Variants in PELI2 observed in about 807,000 individuals in gnomAD.
The protein encoded by PELI2 is E3 ubiquitin-protein ligase pellino homolog 2.
In PELI2, 23 loss-of-function variants were observed where a neutral mutation model predicts 42.3. The observed-to-expected ratio is 0.54, with a 90% confidence interval of 0.39 to 0.77. The LOEUF (loss-of-function observed/expected upper bound fraction) is 0.77. Among genes scored for constraint, PELI2 ranks in the 30% least tolerant of loss-of-function variants. The pLI is 0.00. For synonymous variants in PELI2, 245 were observed against 212.2 expected, an observed-to-expected ratio of 1.15 and a Z score of -1.34; for missense variants, 463 against 553.2, an observed-to-expected ratio of 0.84 and a Z score of 1.64.
chr14:56,213,271 A>G (rs1886773927), intron 2 of PELI2, among the ~76,000 whole-genome samples: 1 of 152,210 alleles, frequency 6.6e-6, no homozygotes, highest in East Asian at 1.9e-4. Context: ...GGATGAAGTT[A>G]CAGTTTTTAT....
At chr14:56,209,622 T>G (rs1465729369) in intron 2 of PELI2, among the ~76,000 whole-genome samples, 3 of 152,204 alleles carry the variant, frequency 2.0e-5, no homozygotes, top group African/African-American at 7.2e-5. Context: ...TAATTTTAAT[T>G]TATAATATGG....
At chr14:56,295,492 T>TG (rs1420431369) in intron 5 of PELI2, among the ~76,000 whole-genome samples, 1 of 152,192 alleles carries the variant, frequency 6.6e-6, no homozygotes, top group Non-Finnish European at 1.5e-5. Flanking sequence ...TCCTCCCTAC[T>TG]GAGGCCTGAC....
intron 1 of PELI2, among the ~76,000 whole-genome samples, chr14:56,132,147 TC>T (rs1883509721): frequency 6.6e-6 from 1 of 152,110 alleles, no homozygotes; most frequent in Non-Finnish European, 1.5e-5. Context: ...GGAGATGCCA[TC>T]CCATTGAACA....
chr14:56,296,866 C>G lies in PELI2; in HGVS notation c.963C>G (p.Asn321Lys), dbSNP rs1251135082. 4 of 1,614,178 alleles carry G rather than the reference C, an allele frequency of 2.5e-6. No individual in the cohort carries two copies. The highest frequency in any genetic ancestry group is 2.5e-6 in the Non-Finnish European group (3 of 1,180,040). Residue 321 changes from asparagine (N) to lysine (K), a missense_variant, in exon 6 of 6, where the codon AAC becomes AAG. Physicochemically the swap from Asn to Lys is moderately conservative, Grantham distance 94. Coordinates refer to ENST00000267460, the MANE Select transcript of PELI2 (RefSeq NM_021255.3). ...GTGGCCACGTGCACGGGTACCACAA[C>G]TGGGGCCATCGGAGTGACACGGAGG... ...LSCGHVHGYH[N>K]WGHRSDTEAN... is the part of the protein sequence containing the mutation.
At chr14:56,133,224 T>C (rs1018352257) in intron 1 of PELI2, among the ~76,000 whole-genome samples, 1 of 152,234 alleles carries the variant, frequency 6.6e-6, no homozygotes, top group African/African-American at 2.4e-5. Context: ...TTTTAGAGAA[T>C]TTAATTAATG....
intron 2 of PELI2, among the ~76,000 whole-genome samples, chr14:56,249,784 G>T (rs1460052917): frequency 1.3e-5 from 2 of 152,194 alleles, no homozygotes; most frequent in Non-Finnish European, 1.5e-5. Flanking sequence ...CTGACACCAG[G>T]AGTGTGTCTC....
intron 2 of PELI2, among the ~76,000 whole-genome samples, chr14:56,240,230 G>T (rs775478595): frequency 6.6e-6 from 1 of 152,166 alleles, no homozygotes; most frequent in Admixed American, 6.5e-5. Flanking sequence ...GGGAAGACTG[G>T]AGGGCAGGAG....
At chr14:56,178,859 C>T (rs1327735033) in intron 2 of PELI2, among the ~76,000 whole-genome samples, 3 of 152,034 alleles carry the variant, frequency 2.0e-5, no homozygotes, top group Non-Finnish European at 2.9e-5. Context: ...TGTTCTTTAT[C>T]CTAAAGAGTT....
At position 56,279,718 on chromosome 14, in the gene PELI2, T is replaced by G. The variant is rs1415436818; in HGVS notation, c.250T>G (p.Ser84Ala). The G allele has an allele frequency of 6.2e-7, 1 of 1,604,592 alleles. No individual in the cohort carries two copies. Among genetic ancestry groups the G allele is most frequent in the South Asian group, 1.1e-5 (1 of 90,760 alleles). The change falls in exon 3 of 6, where the codon TCA becomes GCA. Residue 84 changes from serine to alanine, a missense_variant. Around this residue, in one of 3 missense-constraint regions of PELI2, gnomAD observed 343 missense variants for 378.4 expected, o/e 0.91. Transcript: ENST00000267460. ...KGQHSISYTL[S>A]RNQTVVVEYT... ...TCAACACAGTATATCCTACACTTTG[T>G]CAAGGAATCAGACTGTGGTGGTGGA...
chr14:56,197,866 GCA>G lies in PELI2; in HGVS notation c.207+19415_207+19416del, dbSNP rs372185736. ...TTTCTGGGGTCTCCGGCCTGCCTGTGCACACACACACACATGCAGACACACAC... is the reference window on the plus strand; with the variant it reads ...TTTCTGGGGTCTCCGGCCTGCCTGTGCACACACACACATGCAGACACACAC... On this transcript the variant is annotated intron_variant, in intron 2 of 5. Transcript: ENST00000267460. This position sits in a 1 kb window ranked among gnomAD's most constrained non-coding sequence, Gnocchi z 4.9. Among the ~76,000 whole-genome samples the G allele has an allele frequency of 1.3e-5, 2 of 150,816 alleles. No individual in the cohort carries two copies. Among genetic ancestry groups the G allele is most frequent in the Admixed American group, 6.6e-5 (1 of 15,076 alleles).
At chr14:56,220,727 A>G in intron 2 of PELI2, among the ~76,000 whole-genome samples, 1 of 152,190 alleles carries the variant, frequency 6.6e-6, no homozygotes, top group East Asian at 1.9e-4. Context: ...AGGTGTCTGC[A>G]TAACCAATGG....
chr14:56,124,160 G>A lies in PELI2; in HGVS notation c.77+5423G>A, dbSNP rs572387221. ...TCTTCTGGAAAATAAAATAATAAGAGCAGAAAGTGCTTCATATTTCTTAGC... is the reference window on the plus strand; with the variant it reads ...TCTTCTGGAAAATAAAATAATAAGAACAGAAAGTGCTTCATATTTCTTAGC... On this transcript the variant is annotated intron_variant, in intron 1 of 5. Transcript: ENST00000267460. Among the ~76,000 whole-genome samples the A allele has an allele frequency of 2.0e-5, 3 of 152,304 alleles. No homozygotes were observed. In the South Asian group the frequency reaches 6.2e-4, roughly 32 times the overall value.
At chr14:56,158,251 C>A (rs551389520) in intron 1 of PELI2, among the ~76,000 whole-genome samples, 1 of 152,166 alleles carries the variant, frequency 6.6e-6, no homozygotes, top group South Asian at 2.1e-4. Context: ...TGGTCTCGAA[C>A]ACCTGACCTC....
chr14:56,173,059 C>G (rs1885237601), intron 1 of PELI2, among the ~76,000 whole-genome samples: 1 of 152,078 alleles, frequency 6.6e-6, no homozygotes, highest in Admixed American at 6.5e-5. Flanking sequence ...CTTTAACTGC[C>G]CCTGCATGGT....
At chr14:56,201,436 C>G (rs1355186012) in intron 2 of PELI2, among the ~76,000 whole-genome samples, 2 of 152,108 alleles carry the variant, frequency 1.3e-5, no homozygotes, top group Non-Finnish European at 2.9e-5. Context: ...CAGGAAGGAG[C>G]TGGGGATTTA....
rs1884489992 is a variant in PELI2, at chr14:56,154,832, G to T, written c.78-23503G>T. Reference sequence around the variant, plus strand: ...TTTTATAAGGGTGTTGATGATTGTTGCTAAATTACTTTGTGGAGAGATTGT... The same window carrying T: ...TTTTATAAGGGTGTTGATGATTGTTTCTAAATTACTTTGTGGAGAGATTGT... On this transcript the variant is annotated intron_variant, in intron 1 of 5. Transcript: ENST00000267460. Among the ~76,000 whole-genome samples, 3 of 152,196 alleles carry T rather than the reference G, an allele frequency of 2.0e-5. 1 individual carries two copies. Among genetic ancestry groups the T allele is most frequent in the Admixed American group, 6.5e-5 (1 of 15,282 alleles).
intron 5 of PELI2, chr14:56,292,640 A>G (rs1332061051): frequency 4.3e-6 from 1 of 230,250 alleles, no homozygotes; most frequent in Admixed American, 6.5e-5. Flanking sequence ...ATGTATTAAT[A>G]TCATACTGAG....
Position 56,239,782 on chromosome 14 carries a change from A to C in PELI2, c.208-39894A>C, listed in dbSNP as rs147046179. Among the ~76,000 whole-genome samples, 852 of 152,284 alleles carry C rather than the reference A, an allele frequency of 5.6e-3. 8 individuals are homozygous for C. Among genetic ancestry groups the C allele is most frequent in the African/African-American group, 0.019 (796 of 41,570 alleles). On this transcript the variant is annotated intron_variant, in intron 2 of 5. Coordinates refer to ENST00000267460, the MANE Select transcript of PELI2 (RefSeq NM_021255.3). ...GGAAGTCCTTTAGAGAAGCAGTGAG[A>C]GCACAGAGCTCAGGGGGAGTCGTGG...
intron 2 of PELI2, among the ~76,000 whole-genome samples, chr14:56,193,379 T>A (rs537289857): frequency 1.7e-4 from 26 of 152,306 alleles, no homozygotes; most frequent in Admixed American, 2.0e-4. Context: ...GAATTTATTT[T>A]GCTAAAACCC....
Sources: gnomAD v4.1 joint callset for allele counts (sites outside exome capture counted in the v4.1 genomes callset) on GRCh38, gnomAD v4.1.1 for gene constraint, gnomAD v4.1.1 regional missense constraint, Gnocchi (gnomAD v3.1) non-coding constraint, MANE v1.5 for transcripts, NCBI Gene and HGNC (gene_info 2026-07-23, HGNC 2026-07-21) for gene names.